ARHGAP24: variants seen among roughly 807,000 people sequenced by gnomAD.
ARHGAP24 encodes the protein Rho GTPase activating protein 24.
Under a neutral mutation model 76.4 loss-of-function variants are expected in ARHGAP24, and 50 were observed. That is an observed-to-expected ratio of 0.65 (90% CI 0.52 to 0.83). The LOEUF (loss-of-function observed/expected upper bound fraction) is 0.83. Ranked by LOEUF, ARHGAP24 falls within the 40% of genes least tolerant of loss-of-function variation. ARHGAP24 has a pLI of 0.00. For synonymous variants in ARHGAP24, 345 were observed against 323.3 expected (o/e 1.07, Z -0.72); for missense variants, 930 against 914.2 (o/e 1.02, Z -0.22).
At chr4:85,565,584 T>C (rs1191983503) in intron 1 of ARHGAP24, among the ~76,000 whole-genome samples, 1 of 152,158 alleles carries the variant, frequency 6.6e-6, no homozygotes, top group Non-Finnish European at 1.5e-5. Flanking sequence ...TTGGTCCCCT[T>C]CACTCTTGCC....
chr4:85,655,766 C>CATATATATATATATAT (rs370571889), intron 2 of ARHGAP24, among the ~76,000 whole-genome samples: 5 of 69,054 alleles, frequency 7.2e-5, no homozygotes, highest in African/African-American at 5.0e-4. Flanking sequence ...AGTGAGACTC[C>CATATATATATATATAT]ATATATATAT....
intron 8 of ARHGAP24, among the ~76,000 whole-genome samples, chr4:85,988,770 A>C (rs1387347730): frequency 2.0e-5 from 3 of 151,570 alleles, no homozygotes; most frequent in Non-Finnish European, 1.5e-5. Context: ...CAGAGATAAA[A>C]TAAATAAAAA....
At chr4:85,540,607 T>C (rs1225646301) in intron 1 of ARHGAP24, among the ~76,000 whole-genome samples, 1 of 152,184 alleles carries the variant, frequency 6.6e-6, no homozygotes, top group African/African-American at 2.4e-5. Flanking sequence ...TTGACAAATA[T>C]ATATACCCTT....
intron 3 of ARHGAP24, among the ~76,000 whole-genome samples, chr4:85,811,915 C>A (rs2110113769): frequency 6.6e-6 from 1 of 152,298 alleles, no homozygotes; most frequent in South Asian, 2.1e-4. Flanking sequence ...GTAGCTCACG[C>A]CTCTAATCCC....
chr4:85,477,291 G>A (rs1722637071), intron 1 of ARHGAP24, among the ~76,000 whole-genome samples: 1 of 152,050 alleles, frequency 6.6e-6, no homozygotes, highest in African/African-American at 2.4e-5. Flanking sequence ...TTCATCTCAG[G>A]GGTTTGGATT....
chr4:85,740,226 T>C (rs1260634331), intron 3 of ARHGAP24, among the ~76,000 whole-genome samples: 2 of 43,240 alleles, frequency 4.6e-5, no homozygotes, highest in Non-Finnish European at 1.5e-4. Context: ...TTGTTGGGGT[T>C]TTTTTTTTTT....
intron 3 of ARHGAP24, among the ~76,000 whole-genome samples, chr4:85,881,111 A>G (rs1216337875): frequency 6.6e-6 from 1 of 152,204 alleles, no homozygotes; most frequent in Non-Finnish European, 1.5e-5. Flanking sequence ...GTGATACCGC[A>G]ACAATCTATC....
chr4:85,724,580 C>T (rs573732110), intron 3 of ARHGAP24, among the ~76,000 whole-genome samples: 1 of 148,466 alleles, frequency 6.7e-6, no homozygotes, highest in South Asian at 2.1e-4. Context: ...TGAAATATCC[C>T]ATGAAACCAA....
At chr4:85,792,986 G>A (rs935097878) in intron 3 of ARHGAP24, among the ~76,000 whole-genome samples, 1 of 152,054 alleles carries the variant, frequency 6.6e-6, no homozygotes, top group African/African-American at 2.4e-5. Context: ...ATTTTTTCTG[G>A]CATCATAAAT....
In ARHGAP24 at chr4:85,722,027, G is replaced by T. The variant is rs189134282; in HGVS notation, c.268+55G>T. 5.4e-6 allele frequency: 8 copies of T among 1,485,302 alleles called. No individual in the cohort carries two copies. The South Asian group carries it at 6.8e-5, about 13-fold the overall frequency. 92.0% of individuals were successfully genotyped at this position (1,485,302 alleles called of 1,614,324 possible). On this transcript the variant is annotated intron_variant, in intron 3 of 9. Transcript: ENST00000395184. ...ATTGTCATCCTGTGTTGGTAAAGGT[G>T]AAGATGGGTCAGACAGGTTTCATTC...
At chr4:85,500,067 A>G (rs992933641) in intron 1 of ARHGAP24, among the ~76,000 whole-genome samples, 2 of 152,174 alleles carry the variant, frequency 1.3e-5, no homozygotes, top group African/African-American at 4.8e-5. Flanking sequence ...TTTTTAAGAC[A>G]TAGTATGAAA....
At chr4:85,815,309 T>C (rs1205173994) in intron 3 of ARHGAP24, among the ~76,000 whole-genome samples, 1 of 152,160 alleles carries the variant, frequency 6.6e-6, no homozygotes, top group East Asian at 1.9e-4. Context: ...AGAAAATTGG[T>C]TTTTCTTTTC....
chr4:85,826,089 C>T lies in ARHGAP24; in HGVS notation c.269-97559C>T, dbSNP rs755514158. On this transcript the variant is annotated intron_variant, in intron 3 of 9. Transcript: ENST00000395184. ...TCCCAGCCCTGTGTGTCTCATAAGA[C>T]GGGTGGCCACATTTTCAGTTCCTTT... 4.9e-4 allele frequency among the ~76,000 whole-genome samples: 74 copies of T among 152,136 alleles called. 1 individual carries two copies. The highest frequency in any genetic ancestry group is 7.4e-5 in the Non-Finnish European group (5 of 68,008).
At chr4:85,658,114 C>T (rs1379322486) in intron 2 of ARHGAP24, among the ~76,000 whole-genome samples, 1 of 152,124 alleles carries the variant, frequency 6.6e-6, no homozygotes, top group Non-Finnish European at 1.5e-5. Flanking sequence ...TTTGTTAAGA[C>T]CTTTTTTTCA....
chr4:85,727,383 A>G (rs1342931356), intron 3 of ARHGAP24, among the ~76,000 whole-genome samples: 1 of 152,102 alleles, frequency 6.6e-6, no homozygotes, highest in Non-Finnish European at 1.5e-5. Flanking sequence ...TTTAGCACCT[A>G]TTTATAATAC....
chr4:85,639,283 T>G (rs937084730), intron 2 of ARHGAP24, among the ~76,000 whole-genome samples: 1 of 152,150 alleles, frequency 6.6e-6, no homozygotes, highest in African/African-American at 2.4e-5. Flanking sequence ...TTCAGTAAAT[T>G]TTTTGTATTA....
At chr4:85,798,883 A>G (rs1162637769) in intron 3 of ARHGAP24, among the ~76,000 whole-genome samples, 1 of 152,188 alleles carries the variant, frequency 6.6e-6, no homozygotes, top group Non-Finnish European at 1.5e-5. Context: ...TAGAAGAAAT[A>G]AAATGGGTGC....
chr4:85,702,558 A>G (rs1724135922), intron 2 of ARHGAP24, among the ~76,000 whole-genome samples: 1 of 152,222 alleles, frequency 6.6e-6, no homozygotes, highest in Admixed American at 6.5e-5. Context: ...AAGTATTATA[A>G]GATACATTAT....
intron 1 of ARHGAP24, among the ~76,000 whole-genome samples, chr4:85,568,791 G>C (rs1413390796): frequency 1.3e-5 from 2 of 152,174 alleles, no homozygotes; most frequent in Admixed American, 6.5e-5. Flanking sequence ...AGTGCGTATT[G>C]AATGAGACAG....
Sources: allele counts gnomAD v4.1 joint callset (sites outside exome capture counted in the v4.1 genomes callset), GRCh38; gene constraint gnomAD v4.1.1; transcripts MANE v1.5; gene names NCBI Gene and HGNC (gene_info 2026-07-23, HGNC 2026-07-21).